The following PTK2 variants were observed in gnomAD, a reference collection of about 807,000 sequenced individuals.
The protein encoded by PTK2 is protein tyrosine kinase 2.
A neutral mutation model predicts 150.1 loss-of-function variants in PTK2; 45 were observed. That is an observed-to-expected ratio of 0.30 (90% CI 0.24 to 0.38). The LOEUF is 0.38. Among genes scored for constraint, PTK2 ranks in the 10% least tolerant of loss-of-function variants. The pLI is 1.00. For synonymous variants in PTK2, 432 were observed against 449.2 expected (o/e 0.96, Z 0.48); for missense variants, 919 against 1,307.3 (o/e 0.70, Z 4.58).
intron 30 of PTK2, among the ~76,000 whole-genome samples, chr8:140,666,022 A>G (rs1342252089): frequency 6.6e-6 from 1 of 152,228 alleles, no homozygotes; most frequent in Non-Finnish European, 1.5e-5. Context: ...TGTTGCAAAG[A>G]TTGCTAATAG....
At chr8:140,896,812 T>C (rs1345518601) in intron 2 of PTK2, among the ~76,000 whole-genome samples, 2 of 70,200 alleles carry the variant, frequency 2.8e-5, no homozygotes, top group African/African-American at 9.2e-5. Context: ...GGGTAAAACA[T>C]AAACATTGGG....
At chr8:140,900,270 A>C (rs1452347214) in intron 2 of PTK2, among the ~76,000 whole-genome samples, 1 of 152,264 alleles carries the variant, frequency 6.6e-6, no homozygotes, top group African/African-American at 2.4e-5. Context: ...TATGAAAAGA[A>C]GTAGCATTTA....
intron 15 of PTK2, among the ~76,000 whole-genome samples, chr8:140,761,874 A>G (rs544470608): frequency 6.6e-6 from 1 of 152,274 alleles, no homozygotes; most frequent in South Asian, 2.1e-4. Flanking sequence ...TATCAACATT[A>G]TAAATCATAA....
intron 28 of PTK2, 164 bp downstream of exon 31, chr8:140,675,296 A>G (rs888703925): frequency 1.4e-5 from 10 of 725,482 alleles, no homozygotes; most frequent in East Asian, 8.3e-5. Context: ...CTTTTTCCCA[A>G]TACTCTAGTA....
At chr8:140,709,896 G>A (rs974306060) in intron 23 of PTK2, among the ~76,000 whole-genome samples, 2 of 152,044 alleles carry the variant, frequency 1.3e-5, no homozygotes, top group Non-Finnish European at 2.9e-5. Flanking sequence ...AGCATTTAGG[G>A]TACAGTCAGC....
At chr8:140,859,408 T>C (rs2100134741) in intron 5 of PTK2, among the ~76,000 whole-genome samples, 1 of 152,124 alleles carries the variant, frequency 6.6e-6, no homozygotes, top group Admixed American at 6.6e-5. Flanking sequence ...TATAAAAGAA[T>C]AAACATATAT....
At chr8:140,689,448 A>G (rs1226924134) in intron 26 of PTK2, among the ~76,000 whole-genome samples, 1 of 152,248 alleles carries the variant, frequency 6.6e-6, no homozygotes, top group Non-Finnish European at 1.5e-5. Flanking sequence ...AGATGTGATA[A>G]CTAAATATAA....
chr8:140,967,386 CT>C (rs1458907354), intron 1 of PTK2, among the ~76,000 whole-genome samples: 2 of 151,880 alleles, frequency 1.3e-5, no homozygotes, highest in Non-Finnish European at 2.9e-5. Context: ...GGATGAGCCC[CT>C]GGAAAAGAAA....
At chr8:140,686,368 A>T (rs2153707206) in intron 27 of PTK2, among the ~76,000 whole-genome samples, 1 of 152,000 alleles carries the variant, frequency 6.6e-6, no homozygotes, top group East Asian at 1.9e-4. Context: ...TTCCTTATAT[A>T]ACACATCTGT....
At chr8:140,728,199 CAA>C (rs1299819333) in intron 22 of PTK2, among the ~76,000 whole-genome samples, 15 of 77,464 alleles carry the variant, frequency 1.9e-4, no homozygotes, top group Non-Finnish European at 2.1e-4. Context: ...GACTCCGTCT[CAA>C]AAAAAAAAAA....
Position 140,739,129 on chromosome 8 carries a change from A to G in PTK2, c.1736-22T>C, listed in dbSNP as rs761422825. On this transcript the variant is annotated intron_variant, in intron 20 of 31. Coordinates refer to ENST00000522684, the Ensembl canonical transcript of PTK2. Reference sequence around the variant, plus strand: ...GAAGCTAGAAGATTAATTTTAGAAAATAAATTTTCCTTGTTATCTGCTTAA... The same window carrying G: ...GAAGCTAGAAGATTAATTTTAGAAAGTAAATTTTCCTTGTTATCTGCTTAA... 4.7e-6 allele frequency: 7 copies of G among 1,476,548 alleles called. No individual in the cohort carries two copies. The South Asian group carries it at 5.4e-5, about 11-fold the overall frequency. The allele number at this position is 1,476,548 out of a possible 1,614,324, so 91.5% of individuals were successfully genotyped here.
At chr8:140,745,330 C>T (rs981433334) in intron 18 of PTK2, among the ~76,000 whole-genome samples, 2 of 152,126 alleles carry the variant, frequency 1.3e-5, no homozygotes, top group Non-Finnish European at 2.9e-5. Flanking sequence ...ACCACTGACA[C>T]CATTAATAGA....
chr8:140,864,503 A>G (rs2100138133), intron 4 of PTK2, 104 bp from the exon 5 acceptor site: 1 of 549,970 alleles, frequency 1.8e-6, no homozygotes, highest in Non-Finnish European at 3.1e-6. Flanking sequence ...TTACTCTGAA[A>G]GATGATTTCA....
At chr8:140,724,851 T>C (rs1190337418) in intron 22 of PTK2, among the ~76,000 whole-genome samples, 2 of 152,252 alleles carry the variant, frequency 1.3e-5, no homozygotes. Flanking sequence ...AAGCTAGGGA[T>C]GGCATACCTG....
chr8:140,720,469 T>C, intron 22 of PTK2, among the ~76,000 whole-genome samples: 1 of 151,988 alleles, frequency 6.6e-6, no homozygotes, highest in East Asian at 1.9e-4. Flanking sequence ...CTCAAGGAGT[T>C]TGAGTCACAC....
chr8:140,661,448 G>A (rs1184038775), intron 31 of PTK2, among the ~76,000 whole-genome samples: 2 of 152,170 alleles, frequency 1.3e-5, no homozygotes, highest in Non-Finnish European at 2.9e-5. Flanking sequence ...CAAGTGCATG[G>A]TGTTGTCACT....
intron 23 of PTK2, 30 bp downstream of exon 26, chr8:140,717,563 AGTAAC>A: frequency 6.6e-7 from 1 of 1,507,676 alleles, no homozygotes; most frequent in South Asian, 1.1e-5. Flanking sequence ...AGTTAGTAAG[AGTAAC>A]CCCAAAGTTG....
intron 2 of PTK2, chr8:140,909,187 G>A (rs2100162114): frequency 6.5e-6 from 1 of 154,208 alleles, no homozygotes. Flanking sequence ...GAAGGGGAAG[G>A]GGAAGGGAAG....
chr8:140,689,164 A>G (rs1345509486), intron 26 of PTK2, among the ~76,000 whole-genome samples: 1 of 152,216 alleles, frequency 6.6e-6, no homozygotes, highest in Non-Finnish European at 1.5e-5. Context: ...CTCACTGGGG[A>G]GGTCCTATTC....
Sources: allele counts gnomAD v4.1 joint callset (sites outside exome capture counted in the v4.1 genomes callset), GRCh38; gene constraint gnomAD v4.1.1; transcripts MANE v1.5; gene names NCBI Gene and HGNC (gene_info 2026-07-23, HGNC 2026-07-21).